The following HECW1 variants were observed in gnomAD, a reference collection of about 807,000 sequenced individuals.
The protein encoded by HECW1 is HECT, C2 and WW domain containing E3 ubiquitin protein ligase 1, also known as E3 ubiquitin-protein ligase HECW1.
A neutral mutation model predicts 182.3 loss-of-function variants in HECW1; 61 were observed. That is an observed-to-expected ratio of 0.33 (90% CI 0.27 to 0.41). HECW1 has a LOEUF of 0.41. Ranked by LOEUF, HECW1 falls within the 10% of genes least tolerant of loss-of-function variation. The probability of loss-of-function intolerance (pLI) is 1.00; values close to 1 mark genes in which losing one functional copy is unlikely to be tolerated. For synonymous variants in HECW1, 859 were observed against 832.6 expected, an observed-to-expected ratio of 1.03 and a Z score of -0.55; for missense variants, 1,739 against 2,108.9, an observed-to-expected ratio of 0.82 and a Z score of 3.44.
chr7:43,320,673 C>T lies in HECW1; in HGVS notation c.391C>T (p.Arg131Cys), dbSNP rs748846572. ...LSENFLDYKN[R>C]GVNGSHRGQI... The stretch of plus-strand genomic sequence containing the variant: ...CGAAAACTTTCTGGACTATAAAAAC[C>T]GTGGAGTCAATGGTTCTCATCGGGG... Residue 131 changes from arginine to cysteine, a missense_variant, in exon 5 of 30, where the codon CGT becomes TGT. By Grantham distance (180) the Arg-to-Cys change is radical. Around this residue, in one of 5 missense-constraint regions of HECW1, gnomAD observed 279 missense variants for 353.1 expected, o/e 0.79. Coordinates refer to ENST00000395891, the MANE Select transcript of HECW1 (RefSeq NM_015052.5). The T allele has an allele frequency of 2.5e-6, 4 of 1,614,034 alleles. No individual in the cohort carries two copies. The highest frequency in any genetic ancestry group is 4.5e-5 in the East Asian group (2 of 44,894).
chr7:43,278,683 T>A (rs991347935), intron 3 of HECW1, among the ~76,000 whole-genome samples: 2 of 152,082 alleles, frequency 1.3e-5, no homozygotes, highest in Non-Finnish European at 2.9e-5. Context: ...CAGGTGCACC[T>A]GCTTAAGGGT....
chr7:43,202,775 G>A (rs1455107169), intron 2 of HECW1, among the ~76,000 whole-genome samples: 3 of 152,138 alleles, frequency 2.0e-5, no homozygotes, highest in Admixed American at 6.5e-5. Flanking sequence ...CATCCAGATG[G>A]CCTGAAGCAA....
chr7:43,358,483 C>T (rs1036294380), intron 5 of HECW1, among the ~76,000 whole-genome samples: 1 of 152,056 alleles, frequency 6.6e-6, no homozygotes, highest in South Asian at 2.1e-4. Flanking sequence ...AAAGTACAGG[C>T]ATATCTGAAG....
intron 2 of HECW1, among the ~76,000 whole-genome samples, chr7:43,166,759 T>G (rs552228066): frequency 2.7e-4 from 41 of 152,306 alleles, no homozygotes; most frequent in Middle Eastern, 3.4e-3. Flanking sequence ...ACCATTCTGT[T>G]GGTCAGGTGG....
At chr7:43,542,051 T>C (rs1422803604) in intron 26 of HECW1, 53 bp downstream of exon 26, 3 of 1,404,426 alleles carry the variant, frequency 2.1e-6, no homozygotes, top group Non-Finnish European at 2.8e-6. Flanking sequence ...CTATGGAAAA[T>C]GCACATAACA....
At chr7:43,530,776 C>T (rs1313761818) in intron 24 of HECW1, among the ~76,000 whole-genome samples, 1 of 152,238 alleles carries the variant, frequency 6.6e-6, no homozygotes, top group Non-Finnish European at 1.5e-5. Flanking sequence ...TCTTCTGCTG[C>T]TGCTCACTGT....
At chr7:43,411,202 T>C (rs2075793007) in intron 8 of HECW1, among the ~76,000 whole-genome samples, 1 of 152,118 alleles carries the variant, frequency 6.6e-6, no homozygotes, top group Non-Finnish European at 1.5e-5. Context: ...TTATTATCAT[T>C]CCGTCAAAAA....
chr7:43,121,160 G>C (rs1785571040), intron 2 of HECW1, among the ~76,000 whole-genome samples: 2 of 152,156 alleles, frequency 1.3e-5, no homozygotes, highest in Non-Finnish European at 2.9e-5. Context: ...AACAGTTAAA[G>C]AGAGTGGCTA....
At chr7:43,151,522 A>T (rs1327240381) in intron 2 of HECW1, among the ~76,000 whole-genome samples, 2 of 152,214 alleles carry the variant, frequency 1.3e-5, no homozygotes, top group African/African-American at 2.4e-5. Flanking sequence ...GAACATCTCA[A>T]TTAGCAATCT....
chr7:43,513,352 A>C (rs2079972632), intron 24 of HECW1, among the ~76,000 whole-genome samples: 3 of 152,102 alleles, frequency 2.0e-5, no homozygotes, highest in African/African-American at 7.2e-5. Flanking sequence ...CCTTCTTCTC[A>C]CACTGCACGT....
intron 2 of HECW1, among the ~76,000 whole-genome samples, chr7:43,128,144 T>G (rs937289667): frequency 2.0e-5 from 3 of 152,126 alleles, no homozygotes; most frequent in Non-Finnish European, 2.9e-5. Context: ...CCTCCCAAAT[T>G]ATTGGGATTA....
chr7:43,374,633 G>T lies in HECW1; in HGVS notation c.555+13653G>T, dbSNP rs1318485552. 3.8e-5 allele frequency among the ~76,000 whole-genome samples: 3 copies of T among 79,420 alleles called. 1 individual carries two copies. The highest frequency in any genetic ancestry group is 6.9e-5 in the Non-Finnish European group (3 of 43,286). The allele number at this position is 79,420 out of a possible 152,430, so 52.1% of individuals were successfully genotyped here. On this transcript the variant is annotated intron_variant, in intron 6 of 29. Transcript: ENST00000395891. ...ACTAAAAATACAAAAAATTAGCCGG[G>T]CGCAGTGGCGGGCGCCTGTAGTCCC...
At chr7:43,269,442 G>A (rs974043644) in intron 3 of HECW1, among the ~76,000 whole-genome samples, 7 of 152,188 alleles carry the variant, frequency 4.6e-5, no homozygotes, top group Non-Finnish European at 8.8e-5. Context: ...CCCCTCAAAT[G>A]CACGCCCATG....
intron 8 of HECW1, 59 bp downstream of exon 8, chr7:43,407,790 C>T (rs2152845200): frequency 3.5e-6 from 5 of 1,428,136 alleles, no homozygotes; most frequent in Non-Finnish European, 4.8e-6. Flanking sequence ...TGACTGTGAA[C>T]CAGCCCTCCT....
chr7:43,465,577 A>G (rs35406932), intron 14 of HECW1, among the ~76,000 whole-genome samples: 64,913 of 152,082 alleles, frequency 0.43, 14,061 homozygotes, highest in Middle Eastern at 0.55. Context: ...GACATGTTCT[A>G]TTGGTTGAAA....
chr7:43,289,129 A>T (rs1805048354), intron 3 of HECW1, among the ~76,000 whole-genome samples: 1 of 145,914 alleles, frequency 6.9e-6, no homozygotes, highest in Admixed American at 6.8e-5. Context: ...TTTGAGACAG[A>T]GTATCGATCA....
intron 2 of HECW1, among the ~76,000 whole-genome samples, chr7:43,145,391 G>A (rs1788595212): frequency 2.0e-5 from 3 of 152,188 alleles, no homozygotes; most frequent in Admixed American, 2.0e-4. Context: ...CACCTCCTGG[G>A]CTCAGGCGAT....
intron 24 of HECW1, among the ~76,000 whole-genome samples, chr7:43,516,783 A>T (rs2080172977): frequency 1.3e-5 from 2 of 152,264 alleles, no homozygotes; most frequent in South Asian, 4.1e-4. Flanking sequence ...CCTAGATGGC[A>T]GAGCCTACCT....
chr7:43,234,700 A>G (rs1332072822), intron 2 of HECW1, among the ~76,000 whole-genome samples: 1 of 152,088 alleles, frequency 6.6e-6, no homozygotes, highest in Non-Finnish European at 1.5e-5. Flanking sequence ...GATCTCTAAC[A>G]TGTGCAGTTT....
Sources: gnomAD v4.1 joint callset for allele counts (sites outside exome capture counted in the v4.1 genomes callset) on GRCh38, gnomAD v4.1.1 for gene constraint, gnomAD v4.1.1 regional missense constraint, MANE v1.5 for transcripts, NCBI Gene and HGNC (gene_info 2026-07-23, HGNC 2026-07-21) for gene names.